The following MACROD2 variants were observed in gnomAD, a reference collection of about 807,000 sequenced individuals.
MACROD2 encodes mono-ADP ribosylhydrolase 2, also known as ADP-ribose glycohydrolase MACROD2.
Under a neutral mutation model 70.4 loss-of-function variants are expected in MACROD2, and 36 were observed. The ratio of observed to expected loss-of-function variants is 0.51; its 90% CI spans 0.39 to 0.68. The LOEUF is 0.68. MACROD2 is among the 30% of genes least tolerant of loss of function. The pLI, the probability that MACROD2 is intolerant of heterozygous loss-of-function variation, is 0.00. For missense variants in MACROD2, 496 were observed against 538.4 expected (o/e 0.92, Z 0.78); for synonymous variants, 172 against 178.8 (o/e 0.96, Z 0.30).
intron 10 of MACROD2, among the ~76,000 whole-genome samples, chr20:15,902,377 G>T (rs1005242666): frequency 1.3e-5 from 2 of 151,976 alleles, no homozygotes; most frequent in African/African-American, 2.4e-5. Context: ...CTCTCTTGGG[G>T]CTTTTATTCT....
intron 5 of MACROD2, among the ~76,000 whole-genome samples, chr20:15,219,024 C>T (rs1404003000): frequency 1.3e-5 from 2 of 151,612 alleles, no homozygotes; most frequent in African/African-American, 2.4e-5. Context: ...CCAGCCTGGG[C>T]GACAGAGCGA....
At chr20:14,872,299 G>A (rs980852807) in intron 5 of MACROD2, among the ~76,000 whole-genome samples, 6 of 152,032 alleles carry the variant, frequency 3.9e-5, no homozygotes, top group African/African-American at 1.4e-4. Context: ...AATTTTTATG[G>A]GCTAAACCTC....
At chr20:14,642,579 A>G (rs962310484) in intron 4 of MACROD2, among the ~76,000 whole-genome samples, 1 of 152,178 alleles carries the variant, frequency 6.6e-6, no homozygotes, top group Non-Finnish European at 1.5e-5. Context: ...ACTAGAGGCC[A>G]TTATATAGTT....
At chr20:14,442,536 T>C (rs959102306) in intron 3 of MACROD2, among the ~76,000 whole-genome samples, 15 of 152,146 alleles carry the variant, frequency 9.9e-5, no homozygotes, top group African/African-American at 3.6e-4. Flanking sequence ...TACAAACTTC[T>C]TTCTCTTTCT....
At chr20:15,652,094 C>T (rs457392) in intron 8 of MACROD2, among the ~76,000 whole-genome samples, 3,593 of 152,184 alleles carry the variant, frequency 0.024, 172 homozygotes, top group East Asian at 0.2. Context: ...TGATAAGCAA[C>T]CCATTGTTCT....
intron 8 of MACROD2, among the ~76,000 whole-genome samples, chr20:15,584,417 T>C (rs1001828257): frequency 4.6e-5 from 7 of 152,142 alleles, no homozygotes; most frequent in African/African-American, 1.7e-4. Flanking sequence ...TAGAAATAAT[T>C]AAGCATCTAT....
intron 3 of MACROD2, among the ~76,000 whole-genome samples, chr20:14,212,432 T>A (rs2122137118): frequency 6.6e-6 from 1 of 152,272 alleles, no homozygotes; most frequent in Non-Finnish European, 1.5e-5. Context: ...CAACAAATGG[T>A]CTTCTCACAA....
chr20:14,697,588 T>C (rs1047148505), intron 5 of MACROD2, among the ~76,000 whole-genome samples: 5 of 152,208 alleles, frequency 3.3e-5, no homozygotes, highest in Non-Finnish European at 7.3e-5. Context: ...TCTTATCCTT[T>C]ATACTTATTT....
At chr20:15,490,134 C>T (rs1452776485) in intron 7 of MACROD2, among the ~76,000 whole-genome samples, 3 of 119,124 alleles carry the variant, frequency 2.5e-5, no homozygotes, top group Non-Finnish European at 5.0e-5. Context: ...CTTGGCATTT[C>T]CTTCCTTCCT....
intron 2 of MACROD2, among the ~76,000 whole-genome samples, chr20:14,064,065 A>G (rs188773373): frequency 2.0e-5 from 3 of 152,280 alleles, no homozygotes; most frequent in Admixed American, 6.5e-5. Context: ...TCAACCTGTA[A>G]TTAATACATG....
intron 10 of MACROD2, among the ~76,000 whole-genome samples, chr20:15,930,350 T>C (rs1190640612): frequency 1.3e-5 from 2 of 152,178 alleles, no homozygotes; most frequent in Non-Finnish European, 2.9e-5. Context: ...AACTCACCCA[T>C]TTGCAGCATT....
intron 4 of MACROD2, among the ~76,000 whole-genome samples, chr20:14,552,523 T>TAA (rs1978727631): frequency 6.6e-6 from 1 of 151,802 alleles, no homozygotes; most frequent in Admixed American, 6.6e-5. Context: ...TTAAAAACAC[T>TAA]GTCATACATC....
chr20:14,541,515 C>G (rs1309678503), intron 4 of MACROD2, among the ~76,000 whole-genome samples: 1 of 152,114 alleles, frequency 6.6e-6, no homozygotes, highest in Non-Finnish European at 1.5e-5. Context: ...GAACTAAACT[C>G]TATAAAACTG....
intron 6 of MACROD2, among the ~76,000 whole-genome samples, chr20:15,279,363 T>G (rs1329487866): frequency 6.6e-6 from 1 of 152,094 alleles, no homozygotes; most frequent in Non-Finnish European, 1.5e-5. Flanking sequence ...CTGGCTACTT[T>G]CTACAGAAGC....
chr20:15,357,933 A>T (rs1173130653), intron 6 of MACROD2, among the ~76,000 whole-genome samples: 1 of 151,318 alleles, frequency 6.6e-6, no homozygotes, highest in African/African-American at 2.4e-5. Flanking sequence ...CAGCCTCCCG[A>T]TTAGCTGGGA....
rs571553290 is a variant in MACROD2, at chr20:15,753,557, A to G, written c.646-109188A>G. Among the ~76,000 whole-genome samples, 4 of 152,330 alleles carry G rather than the reference A, an allele frequency of 2.6e-5. No homozygotes were observed. In the South Asian group the frequency reaches 8.3e-4, roughly 32 times the overall value. ...TTGATTCCATGACTTTGCTATTGTG[A>G]ATAGTGCTGCAATGAACATACAAGT... is the stretch of plus-strand genomic sequence containing the variant. On this transcript the variant is annotated intron_variant, in intron 8 of 17. Transcript: ENST00000684519.
intron 4 of MACROD2, among the ~76,000 whole-genome samples, chr20:14,579,930 T>G (rs562907193): frequency 6.6e-6 from 1 of 152,278 alleles, no homozygotes; most frequent in East Asian, 1.9e-4. Context: ...TTGGAGGAAC[T>G]TGAAGGAACA....
rs1258760489 is a variant in MACROD2, at chr20:15,254,258, GT to G, written c.540+24198del. On this transcript the variant is annotated intron_variant, in intron 6 of 17. Coordinates refer to ENST00000684519, the MANE Select transcript of MACROD2 (RefSeq NM_001351661.2). ...GATCAAGATTCAGTTCAAAAAAAGT[GT>G]AAACAGTACAGATCTTAACTCTCTT... Among the ~76,000 whole-genome samples the G allele has an allele frequency of 2.5e-5, 3 of 121,004 alleles. No homozygotes were observed. The East Asian group carries it at 5.8e-4, about 24-fold the overall frequency. 79.4% of individuals were successfully genotyped at this position (121,004 alleles called of 152,430 possible). A position where few individuals can be genotyped will look rare whatever the true frequency, so the allele number is the denominator to read the frequency against.
chr20:14,572,902 A>G (rs2123323501), intron 4 of MACROD2, among the ~76,000 whole-genome samples: 1 of 150,668 alleles, frequency 6.6e-6, no homozygotes, highest in South Asian at 2.1e-4. Context: ...ATATTTTAAT[A>G]ATATAAAATA....
Sources: gnomAD v4.1 joint callset for allele counts (sites outside exome capture counted in the v4.1 genomes callset) on GRCh38, gnomAD v4.1.1 for gene constraint, MANE v1.5 for transcripts, NCBI Gene and HGNC (gene_info 2026-07-23, HGNC 2026-07-21) for gene names.